Variants in COL23A1 observed in about 807,000 individuals in gnomAD.
COL23A1 encodes the protein collagen type XXIII alpha 1 chain.
COL23A1 carries 97 observed loss-of-function variants against 99.3 expected under a neutral mutation model. That is an observed-to-expected ratio of 0.98 (90% confidence interval 0.83 to 1.16). COL23A1 has a LOEUF of 1.16. COL23A1 is among the 50% of genes most tolerant of loss of function. The pLI, the probability that COL23A1 is intolerant of heterozygous loss-of-function variation, is 0.00. For synonymous variants in COL23A1, 320 were observed against 308.2 expected (o/e 1.04, Z -0.40); for missense variants, 762 against 757.4 (o/e 1.01, Z -0.07).
intron 16 of COL23A1, among the ~76,000 whole-genome samples, chr5:178,254,220 G>A (rs1245150653): frequency 1.3e-5 from 2 of 152,170 alleles, no homozygotes; most frequent in African/African-American, 2.4e-5. Flanking sequence ...CTCCCACAAG[G>A]CTAGGTCAGC....
At chr5:178,352,791 C>G (rs747845702) in intron 2 of COL23A1, among the ~76,000 whole-genome samples, 1 of 152,252 alleles carries the variant, frequency 6.6e-6, no homozygotes, top group Non-Finnish European at 1.5e-5. Context: ...CCCAGGGCTG[C>G]TGAGAGGGGA....
chr5:178,360,480 G>GA (rs1285706487), intron 2 of COL23A1, among the ~76,000 whole-genome samples: 1 of 152,172 alleles, frequency 6.6e-6, no homozygotes, highest in Non-Finnish European at 1.5e-5. Flanking sequence ...TGTGGGGGGG[G>GA]ATGGAGGGCT....
chr5:178,532,017 A>G (rs1342613979), intron 2 of COL23A1, among the ~76,000 whole-genome samples: 1 of 152,176 alleles, frequency 6.6e-6, no homozygotes, highest in African/African-American at 2.4e-5. Context: ...GGTGGCCCCC[A>G]GTGGAAAGAT....
chr5:178,337,250 T>G (rs1416933899), intron 2 of COL23A1, among the ~76,000 whole-genome samples: 1 of 152,160 alleles, frequency 6.6e-6, no homozygotes, highest in Non-Finnish European at 1.5e-5. Flanking sequence ...GAGACCCGCG[T>G]GTGAGGGCGA....
intron 1 of COL23A1, among the ~76,000 whole-genome samples, chr5:178,577,568 G>C (rs1763443259): frequency 6.6e-6 from 1 of 152,156 alleles, no homozygotes; most frequent in Non-Finnish European, 1.5e-5. Flanking sequence ...GCCTGGGGAG[G>C]AGACCTGGGG....
intron 2 of COL23A1, among the ~76,000 whole-genome samples, chr5:178,379,843 T>C (rs1763282139): frequency 2.0e-5 from 3 of 148,376 alleles, no homozygotes; most frequent in Non-Finnish European, 3.0e-5. Flanking sequence ...GTCACGCCAT[T>C]GCACTCCAGC....
intron 2 of COL23A1, among the ~76,000 whole-genome samples, chr5:178,461,669 C>T (rs540543758): frequency 1.3e-5 from 2 of 152,258 alleles, no homozygotes; most frequent in African/African-American, 2.4e-5. Context: ...CAATTTGCCT[C>T]AGTCTCCTCA....
chr5:178,460,911 C>T (rs1160657185), intron 2 of COL23A1, among the ~76,000 whole-genome samples: 1 of 152,148 alleles, frequency 6.6e-6, no homozygotes, highest in African/African-American at 2.4e-5. Context: ...TTCCCCTATT[C>T]TATAACATTC....
In COL23A1 at chr5:178,383,623, G is replaced by A. The variant is rs75161815; in HGVS notation, c.362-76704C>T. On this transcript the variant is annotated intron_variant, in intron 2 of 28. Coordinates refer to ENST00000390654, the MANE Select transcript of COL23A1 (RefSeq NM_173465.4). ...GGGTTGGAGAAGCCCCCCATCAGCC[G>A]TGACTTGTGTCCCAGGACTTTTCGT... Among the ~76,000 whole-genome samples, 1,498 of 152,340 alleles carry A rather than the reference G, an allele frequency of 9.8e-3. 20 individuals are homozygous for A. Among genetic ancestry groups the A allele is most frequent in the African/African-American group, 0.034 (1,399 of 41,582 alleles).
chr5:178,293,215 CAG>C (rs1417467583), intron 3 of COL23A1, among the ~76,000 whole-genome samples: 2 of 151,824 alleles, frequency 1.3e-5, no homozygotes, highest in Admixed American at 1.3e-4. Context: ...AGTGGTCCAG[CAG>C]AGAGAGAGGA....
chr5:178,337,248 C>T (rs942813515), intron 2 of COL23A1, among the ~76,000 whole-genome samples: 2 of 152,348 alleles, frequency 1.3e-5, no homozygotes, highest in African/African-American at 4.8e-5. Context: ...CAGAGACCCG[C>T]GTGTGAGGGC....
chr5:178,385,632 C>A (rs901995020), intron 2 of COL23A1, among the ~76,000 whole-genome samples: 3 of 152,334 alleles, frequency 2.0e-5, no homozygotes, highest in East Asian at 3.9e-4. Flanking sequence ...AAGCTTCCCA[C>A]AGACTGGTGA....
intron 2 of COL23A1, among the ~76,000 whole-genome samples, chr5:178,382,876 T>A (rs1763458645): frequency 6.6e-6 from 1 of 152,052 alleles, no homozygotes; most frequent in Admixed American, 6.5e-5. Flanking sequence ...GAGGCCTGGC[T>A]CCTCGGCTGG....
chr5:178,589,990 C>G lies in COL23A1; in HGVS notation c.208G>C (p.Glu70Gln). ...GCGCGCCGCAGCAGCTCCCGCTCCT[C>G]CTCGAGCGCCGCCACCCGGCCCTGC... ...ALQGRVAALEEERELLRRAGP... is the reference protein window; with the variant it reads ...ALQGRVAALEQERELLRRAGP... Residue 70 changes from glutamate to glutamine, a missense_variant, in exon 1 of 29, where the codon GAG becomes CAG. Transcript: ENST00000390654. This position sits in a 1 kb window ranked among gnomAD's most constrained non-coding sequence, Gnocchi z 5.4. The G allele has an allele frequency of 3.0e-6, 4 of 1,343,934 alleles. No homozygotes were observed. The highest frequency in any genetic ancestry group is 3.8e-6 in the Non-Finnish European group (4 of 1,052,302). The allele number at this position is 1,343,934 out of a possible 1,614,324, so 83.3% of individuals were successfully genotyped here. A position where few individuals can be genotyped will look rare whatever the true frequency, so the allele number is the denominator to read the frequency against.
chr5:178,440,138 A>G (rs1186412192), intron 2 of COL23A1, among the ~76,000 whole-genome samples: 1 of 152,152 alleles, frequency 6.6e-6, no homozygotes, highest in Non-Finnish European at 1.5e-5. Flanking sequence ...GTCCACTTAC[A>G]ATAGGTGAAT....
intron 2 of COL23A1, among the ~76,000 whole-genome samples, chr5:178,453,480 G>T (rs968229168): frequency 2.0e-5 from 3 of 152,152 alleles, no homozygotes; most frequent in Admixed American, 6.5e-5. Flanking sequence ...GGCCATGCGG[G>T]TTTGGAATTT....
intron 25 of COL23A1, 33 bp downstream of exon 25, chr5:178,245,909 C>T (rs1764667067): frequency 1.2e-6 from 2 of 1,613,170 alleles, no homozygotes; most frequent in African/African-American, 2.7e-5. Flanking sequence ...ACAAGAGGCA[C>T]CCAATTACTC....
chr5:178,305,674 T>A (rs988635578), intron 3 of COL23A1, among the ~76,000 whole-genome samples: 1 of 151,688 alleles, frequency 6.6e-6, no homozygotes, highest in African/African-American at 2.4e-5. Flanking sequence ...ATGTTCTGGG[T>A]GCGGGAAGAC....
chr5:178,320,847 C>T lies in COL23A1; in HGVS notation c.362-13928G>A, dbSNP rs561201953. On this transcript the variant is annotated intron_variant, in intron 2 of 28. Transcript: ENST00000390654. ...CTTTCCCTCTAAAGCCACAGCTCTC[C>T]GCTGTGGGGGCCTTCTGTGGGCCTG... Among the ~76,000 whole-genome samples the T allele has an allele frequency of 2.4e-4, 36 of 152,350 alleles. No homozygotes were observed. In the South Asian group the frequency reaches 4.6e-3, roughly 19 times the overall value.
Sources: gnomAD v4.1 joint callset for allele counts (sites outside exome capture counted in the v4.1 genomes callset) on GRCh38, gnomAD v4.1.1 for gene constraint, Gnocchi (gnomAD v3.1) non-coding constraint, MANE v1.5 for transcripts, NCBI Gene and HGNC (gene_info 2026-07-23, HGNC 2026-07-21) for gene names.